TCF7: variants seen among roughly 807,000 people sequenced by gnomAD.
TCF7 encodes T-cell-factor-7.
A neutral mutation model predicts 46.8 loss-of-function variants in TCF7; 19 were observed. The observed-to-expected ratio is 0.41, with a 90% CI of 0.28 to 0.60. TCF7 has a LOEUF of 0.60. Ranked by LOEUF, TCF7 falls within the 20% of genes least tolerant of loss-of-function variation. The pLI is 0.35. For synonymous variants in TCF7, 245 were observed against 213.4 expected, an observed-to-expected ratio of 1.15 and a Z score of -1.29; for missense variants, 547 against 504.6, an observed-to-expected ratio of 1.08 and a Z score of -0.81.
At position 134,146,254 on chromosome 5, in the gene TCF7, C is replaced by T. The variant is rs755154813; in HGVS notation, c.1106C>T (p.Pro369Leu). 3.1e-6 allele frequency: 5 copies of T among 1,614,082 alleles called. No individual in the cohort carries two copies. Among genetic ancestry groups the T allele is most frequent in the African/African-American group, 1.3e-5 (1 of 74,916 alleles). The change falls in exon 10 of 10, where the codon CCG becomes CTG. Residue 369 changes from proline to leucine, a missense_variant. Pro to Leu is a moderately conservative substitution (Grantham distance 98). This residue lies in a region of TCF7 where 90 missense variants were observed against 88.8 expected (regional missense o/e 1.01). Transcript: ENST00000342854. Reference protein sequence around the residue: ...GGKRNAFGTYPEKAAAPAPFL... With the variant: ...GGKRNAFGTYLEKAAAPAPFL... ...AAAAGAAATGCATTCGGTACTTACC[C>T]GGAGAAGGCCGCTGCCCCAGCCCCG...
rs563211125 is a variant in TCF7 at position 134,115,297 on chromosome 5, A to C, written c.250-24A>C. The C allele has an allele frequency of 1.7e-5, 26 of 1,538,640 alleles. No homozygotes were observed. The South Asian group carries it at 3.1e-4, about 19-fold the overall frequency. On this transcript the variant is annotated intron_variant, in intron 1 of 9. Coordinates refer to ENST00000342854, the MANE Select transcript of TCF7 (RefSeq NM_003202.5). ...GACCCCCGCGGTCCCACCGCCCCTC[A>C]CTCCCCTCCGGTTCTCCCTCCAGGC...
chr5:134,115,820 T>G, intron 2 of TCF7, 89 bp from the exon 3 acceptor site: 2 of 1,586,144 alleles, frequency 1.3e-6, no homozygotes, highest in Non-Finnish European at 1.7e-6. Context: ...GGGGACCCCT[T>G]GGCAATTCTT....
chr5:134,131,665 CCAGA>C (rs1758144063), intron 3 of TCF7, among the ~76,000 whole-genome samples: 1 of 152,180 alleles, frequency 6.6e-6, no homozygotes, highest in Non-Finnish European at 1.5e-5. Flanking sequence ...AGTGCAGAGC[CCAGA>C]CAGAGATGAC....
chr5:134,118,353 T>C (rs1310474150), intron 3 of TCF7, among the ~76,000 whole-genome samples: 1 of 152,210 alleles, frequency 6.6e-6, no homozygotes, highest in African/African-American at 2.4e-5. Flanking sequence ...CCAGGCCCCC[T>C]TGCCCTTTGC....
chr5:134,133,519 T>C (rs1208696801), intron 3 of TCF7, among the ~76,000 whole-genome samples: 1 of 152,148 alleles, frequency 6.6e-6, no homozygotes, highest in African/African-American at 2.4e-5. Context: ...GACAGCCTTG[T>C]GCTGAGGCCC....
chr5:134,137,705 C>T (rs1358879566), intron 3 of TCF7, among the ~76,000 whole-genome samples: 1 of 150,804 alleles, frequency 6.6e-6, no homozygotes, highest in Non-Finnish European at 1.5e-5. Flanking sequence ...AGGCCTGGGT[C>T]CTCAGGCCAT....
At chr5:134,143,908 C>T (rs776237547) in intron 9 of TCF7, 1 of 449,360 alleles carries the variant, frequency 2.2e-6, no homozygotes, top group South Asian at 2.7e-5. Context: ...GCACCCACTA[C>T]CTTTGCTAGC....
At position 134,139,019 on chromosome 5, in the gene TCF7, C is replaced by G; in HGVS notation, c.616C>G (p.Leu206Val). 2 of 1,613,858 alleles carry G rather than the reference C, an allele frequency of 1.2e-6. No homozygotes were observed. Among genetic ancestry groups the G allele is most frequent in the Non-Finnish European group, 1.7e-6 (2 of 1,179,996 alleles). Residue 206 changes from leucine (L) to valine (V), a missense_variant, in exon 5 of 10, where the codon CTC (leucine) becomes GTC (valine). Leu to Val is a conservative substitution (Grantham distance 32). This residue lies in a region of TCF7 where 425 missense variants were observed against 349.9 expected (regional missense o/e 1.21). Transcript: ENST00000342854. ...YSLTSGSMGQLPHTVSWFTHP... is the reference protein window; with the variant it reads ...YSLTSGSMGQVPHTVSWFTHP... Reference sequence around the variant, plus strand: ...CCTGACCTCAGGCAGCATGGGGCAGCTCCCCCACACTGTGAGCTGGTGAGT... The same window carrying G: ...CCTGACCTCAGGCAGCATGGGGCAGGTCCCCCACACTGTGAGCTGGTGAGT...
rs764365909 is a variant in TCF7 at position 134,146,395 on chromosome 5, G to T, written c.*92G>T. On this transcript the variant is annotated 3_prime_UTR_variant, in exon 10 of 10. Coordinates refer to ENST00000342854, the MANE Select transcript of TCF7 (RefSeq NM_003202.5). ...AACTGCTTACTAGCCCTGCGGAGCC[G>T]GCACCTACATCCCCAGGTCTCTCCA... The T allele has an allele frequency of 6.8e-7, 1 of 1,480,470 alleles. No homozygotes were observed. The highest frequency in any genetic ancestry group is 9.4e-7 in the Non-Finnish European group (1 of 1,058,366). 91.7% of individuals were successfully genotyped at this position (1,480,470 alleles called of 1,614,324 possible). A position where few individuals can be genotyped will look rare whatever the true frequency, so the allele number is the denominator to read the frequency against.
At chr5:134,115,293 C>G in intron 1 of TCF7, 28 bp from the exon 2 acceptor site, 1 of 1,540,738 alleles carries the variant, frequency 6.5e-7, no homozygotes, top group Non-Finnish European at 8.7e-7. Context: ...TCCCACCGCC[C>G]CTCACTCCCC....
chr5:134,118,170 A>G (rs1326327843), intron 3 of TCF7, among the ~76,000 whole-genome samples: 2 of 152,244 alleles, frequency 1.3e-5, no homozygotes, highest in Non-Finnish European at 2.9e-5. Context: ...ATTGGATTCA[A>G]GGTTCATGTG....
At chr5:134,143,360 C>T (rs985924963) in intron 8 of TCF7, 1 of 782,292 alleles carries the variant, frequency 1.3e-6, no homozygotes, top group African/African-American at 1.7e-5. Flanking sequence ...AGAAAGGGGT[C>T]TGGAAGTCAC....
chr5:134,122,826 A>G (rs1756792864), intron 3 of TCF7, among the ~76,000 whole-genome samples: 2 of 152,180 alleles, frequency 1.3e-5, no homozygotes, highest in Non-Finnish European at 2.9e-5. Context: ...CCCACCCCCA[A>G]TGGTACAGTG....
chr5:134,139,698 A>G (rs1257463080), intron 5 of TCF7: 1 of 152,464 alleles, frequency 6.6e-6, no homozygotes, highest in Non-Finnish European at 1.5e-5. Flanking sequence ...CTCATCAACG[A>G]TAGTTTGAGC....
rs547059055 is a variant in TCF7 at position 134,138,136 on chromosome 5, T to C, written c.519T>C (p.Pro173=). 1 of 1,613,304 alleles carries C rather than the reference T, an allele frequency of 6.2e-7. No homozygotes were observed. Among genetic ancestry groups the C allele is most frequent in the South Asian group, 1.1e-5 (1 of 91,008 alleles). Reference sequence around the variant, plus strand: ...ATTTCAACAGCCCACATCCCACCCCTGCACCTGCGGACATCAGCCAGAAGC... The same window carrying C: ...ATTTCAACAGCCCACATCCCACCCCCGCACCTGCGGACATCAGCCAGAAGC... The part of the protein sequence containing the change: ...YEHFNSPHPT[P]APADISQKQV... Residue 173 remains proline (P), a synonymous_variant, in exon 4 of 10, where the codon CCT becomes CCC. Transcript: ENST00000342854.
At chr5:134,139,403 A>G in intron 5 of TCF7, 1 of 223,926 alleles carries the variant, frequency 4.5e-6, no homozygotes, top group Non-Finnish European at 9.0e-6. Context: ...CCGAGCAGGG[A>G]GGGGACAGCA....
At chr5:134,145,569 GC>G in intron 9 of TCF7, 2 of 677,618 alleles carry the variant, frequency 3.0e-6, no homozygotes, top group Non-Finnish European at 5.0e-6. Context: ...GGTACTCCAG[GC>G]AGTAAGGCCA....
At chr5:134,141,528 A>C (rs1284203774) in intron 5 of TCF7, 1 of 152,358 alleles carries the variant, frequency 6.6e-6, no homozygotes, top group Non-Finnish European at 1.5e-5. Context: ...AGTGATGGGG[A>C]AGCCCCAAGG....
upstream of TCF7, among the ~76,000 whole-genome samples, chr5:134,113,567 G>T (rs1485325612): frequency 6.6e-6 from 1 of 152,228 alleles, no homozygotes; most frequent in Non-Finnish European, 1.5e-5. Context: ...TCTCAGAAGA[G>T]GCGTGAGCGT....
Sources: allele counts gnomAD v4.1 joint callset (sites outside exome capture counted in the v4.1 genomes callset), GRCh38; gene constraint gnomAD v4.1.1; regional missense constraint gnomAD v4.1.1; transcripts MANE v1.5; gene names NCBI Gene and HGNC (gene_info 2026-07-23, HGNC 2026-07-21).